The following IFT57 variants were observed in gnomAD, a reference collection of about 807,000 sequenced individuals.
IFT57 encodes intraflagellar transport protein 57 homolog.
A neutral mutation model predicts 56.8 loss-of-function variants in IFT57; 59 were observed. That is an observed-to-expected ratio of 1.04 (90% CI 0.84 to 1.29). IFT57 has a LOEUF of 1.29. Ranked by LOEUF, IFT57 falls within the 50% of genes most tolerant of loss-of-function variation. IFT57 has a pLI of 0.00. For missense variants in IFT57, 470 were observed against 522.1 expected, an observed-to-expected ratio of 0.90 and a Z score of 0.97; for synonymous variants, 209 against 186.1, an observed-to-expected ratio of 1.12 and a Z score of -1.00.
chr3:108,186,058 C>T (rs953269540), intron 6 of IFT57, among the ~76,000 whole-genome samples: 2 of 152,042 alleles, frequency 1.3e-5, no homozygotes, highest in Admixed American at 1.3e-4. Flanking sequence ...GATTGGGGGT[C>T]ATAAGGACCT....
intron 3 of IFT57, among the ~76,000 whole-genome samples, chr3:108,215,374 C>A (rs906668392): frequency 3.3e-5 from 5 of 151,812 alleles, no homozygotes; most frequent in Non-Finnish European, 5.9e-5. Context: ...CCAGCCTGGG[C>A]AACATGGTGA....
At chr3:108,211,574 A>G (rs2080342730) in intron 4 of IFT57, among the ~76,000 whole-genome samples, 1 of 152,244 alleles carries the variant, frequency 6.6e-6, no homozygotes, top group Non-Finnish European at 1.5e-5. Flanking sequence ...GGCCTTGGCC[A>G]CTGCCTGCTA....
At chr3:108,202,753 A>C (rs1380416852) in intron 5 of IFT57, among the ~76,000 whole-genome samples, 25 of 152,260 alleles carry the variant, frequency 1.6e-4, no homozygotes, top group Non-Finnish European at 1.5e-5. Flanking sequence ...ATTAGAGGGG[A>C]AAATCACACA....
At chr3:108,193,803 C>T (rs756520092) in intron 5 of IFT57, among the ~76,000 whole-genome samples, 22 of 152,172 alleles carry the variant, frequency 1.4e-4, no homozygotes, top group Non-Finnish European at 2.5e-4. Context: ...TAAATCCACA[C>T]TGGCATCAGT....
intron 6 of IFT57, among the ~76,000 whole-genome samples, chr3:108,172,126 TA>T (rs1169540735): frequency 6.6e-6 from 1 of 151,902 alleles, no homozygotes; most frequent in Non-Finnish European, 1.5e-5. Flanking sequence ...ATAACTACGA[TA>T]GTGTACACTG....
At position 108,200,277 on chromosome 3, in the gene IFT57, A is replaced by T. The variant is rs147868667; in HGVS notation, c.654+6351T>A. ...AAAGACTATTTAGAGCATTACTGTC[A>T]TATAATCCAGACAGGTGATGAAAAG... is the stretch of plus-strand genomic sequence containing the variant. On this transcript the variant is annotated intron_variant, in intron 5 of 10. Transcript: ENST00000264538. Among the ~76,000 whole-genome samples the T allele has an allele frequency of 3.9e-3, 591 of 152,300 alleles. 8 individuals carry two copies. Among genetic ancestry groups the T allele is most frequent in the East Asian group, 0.028 (143 of 5,182 alleles).
At chr3:108,165,075 A>G (rs2080053962) in intron 9 of IFT57, among the ~76,000 whole-genome samples, 8 of 152,134 alleles carry the variant, frequency 5.3e-5, no homozygotes, top group Admixed American at 5.2e-4. Flanking sequence ...AATAAACCTT[A>G]TATCTTGCAG....
intron 5 of IFT57, 39 bp from the exon 6 acceptor site, chr3:108,191,682 A>G (rs1319483074): frequency 6.5e-7 from 1 of 1,538,600 alleles, no homozygotes; most frequent in Non-Finnish European, 8.8e-7. Context: ...AGAGTTTATA[A>G]AAAGAAATGG....
intron 3 of IFT57, among the ~76,000 whole-genome samples, chr3:108,216,035 G>A (rs915606921): frequency 3.3e-5 from 5 of 152,126 alleles, no homozygotes; most frequent in Non-Finnish European, 5.9e-5. Flanking sequence ...ACTACTAGAG[G>A]AAATGTGGAA....
At chr3:108,207,769 C>T (rs950750918) in intron 4 of IFT57, among the ~76,000 whole-genome samples, 1 of 152,110 alleles carries the variant, frequency 6.6e-6, no homozygotes, top group Non-Finnish European at 1.5e-5. Context: ...GTTGGCCGGG[C>T]GCGATGGCTC....
At chr3:108,211,749 T>A (rs960232522) in intron 4 of IFT57, among the ~76,000 whole-genome samples, 1 of 152,252 alleles carries the variant, frequency 6.6e-6, no homozygotes, top group Admixed American at 6.5e-5. Flanking sequence ...TTAAATAATG[T>A]TTATTTACAT....
intron 5 of IFT57, among the ~76,000 whole-genome samples, chr3:108,195,696 T>C (rs1476104335): frequency 2.6e-5 from 4 of 152,162 alleles, no homozygotes; most frequent in African/African-American, 9.6e-5. Context: ...GAGGTCATTA[T>C]GTTAAATGAA....
intron 1 of IFT57, among the ~76,000 whole-genome samples, chr3:108,221,335 G>A (rs577964877): frequency 6.6e-6 from 1 of 152,268 alleles, no homozygotes; most frequent in South Asian, 2.1e-4. Flanking sequence ...GATTTATCTG[G>A]CTACTGCTAA....
In IFT57 at chr3:108,191,365, TAAC is replaced by T. The variant is rs2080213955; in HGVS notation, c.777+153_777+155del. ...GACCACATTACATTATTTAGTTATT[TAAC>T]AACAATTTGTTAAATCCTTATTAAG... On this transcript the variant is annotated intron_variant, in intron 6 of 10. Coordinates refer to ENST00000264538, the MANE Select transcript of IFT57 (RefSeq NM_018010.4). Among the ~76,000 whole-genome samples the T allele has an allele frequency of 2.0e-5, 3 of 152,338 alleles. No individual in the cohort carries two copies. In the South Asian group the frequency reaches 6.2e-4, roughly 32 times the overall value.
intron 5 of IFT57, among the ~76,000 whole-genome samples, chr3:108,201,466 GGT>G (rs1337391908): frequency 6.6e-6 from 1 of 152,078 alleles, no homozygotes; most frequent in Non-Finnish European, 1.5e-5. Flanking sequence ...GGGTGGTAAG[GGT>G]TAGTTACCAC....
intron 5 of IFT57, among the ~76,000 whole-genome samples, chr3:108,202,434 T>C (rs998146698): frequency 1.3e-5 from 2 of 152,232 alleles, no homozygotes; most frequent in Non-Finnish European, 2.9e-5. Context: ...TATTCTACTA[T>C]ACTTCTAAAC....
At chr3:108,188,099 C>G (rs184878288) in intron 6 of IFT57, among the ~76,000 whole-genome samples, 68 of 152,128 alleles carry the variant, frequency 4.5e-4, no homozygotes, top group Non-Finnish European at 7.5e-4. Flanking sequence ...CCTCCCACCC[C>G]ACAACAGGCC....
At chr3:108,197,076 C>A (rs1359637398) in intron 5 of IFT57, among the ~76,000 whole-genome samples, 1 of 152,024 alleles carries the variant, frequency 6.6e-6, no homozygotes, top group Non-Finnish European at 1.5e-5. Flanking sequence ...TGACAAAGTC[C>A]CTCTCTAACA....
At position 108,165,488 on chromosome 3, in the gene IFT57, C is replaced by T. The variant is rs2080056856; in HGVS notation, c.987G>A (p.Lys329=). The part of the protein sequence containing the change: ...RAAQAQLSEA[K]ERYQQGNGGV... ...CTCCATTTCCCTGCTGGTATCGCTCCTTTGCCTGAGAGGAAAAACATTTTG... is the reference window on the plus strand; with the variant it reads ...CTCCATTTCCCTGCTGGTATCGCTCTTTTGCCTGAGAGGAAAAACATTTTG... Residue 329 remains lysine, a synonymous_variant, in exon 9 of 11, where the codon AAG becomes AAA. Transcript: ENST00000264538. 2 of 1,612,332 alleles carry T rather than the reference C, an allele frequency of 1.2e-6. No individual in the cohort carries two copies. The highest frequency in any genetic ancestry group is 2.2e-5 in the South Asian group (2 of 91,062).
Sources: allele counts gnomAD v4.1 joint callset (sites outside exome capture counted in the v4.1 genomes callset), GRCh38; gene constraint gnomAD v4.1.1; transcripts MANE v1.5; gene names NCBI Gene and HGNC (gene_info 2026-07-23, HGNC 2026-07-21).